FER1L5: variants seen among roughly 807,000 people sequenced by gnomAD.
FER1L5 encodes the protein fer-1-like protein 5.
A neutral mutation model predicts 279.9 loss-of-function variants in FER1L5; 187 were observed. The ratio of observed to expected loss-of-function variants is 0.67; its 90% CI spans 0.59 to 0.75. The LOEUF (loss-of-function observed/expected upper bound fraction) is 0.75, where lower values mean the gene tolerates loss of function less well. Among genes scored for constraint, FER1L5 ranks in the 30% least tolerant of loss-of-function variants. FER1L5 has a pLI of 0.00. For synonymous variants in FER1L5, 921 were observed against 989.7 expected (o/e 0.93, Z 1.30); for missense variants, 2,091 against 2,594.4 (o/e 0.81, Z 4.21).
At chr2:96,659,401 CTT>C (rs1558854002) in intron 9 of FER1L5, among the ~76,000 whole-genome samples, 1 of 6,088 alleles carries the variant, frequency 1.6e-4, no homozygotes, top group Non-Finnish European at 2.5e-4. Flanking sequence ...TTCTTTCTTT[CTT>C]TCTTTCTTTC....
chr2:96,677,695 G>A (rs1470424041), intron 19 of FER1L5, among the ~76,000 whole-genome samples: 3 of 151,868 alleles, frequency 2.0e-5, no homozygotes, highest in Admixed American at 1.3e-4. Context: ...GTGAAACCCC[G>A]TCTCTACTAA....
At chr2:96,676,408 C>T (rs2076510888) in intron 19 of FER1L5, among the ~76,000 whole-genome samples, 1 of 152,192 alleles carries the variant, frequency 6.6e-6, no homozygotes, top group South Asian at 2.1e-4. Context: ...CTCAGGTGAT[C>T]TGCCCACCTC....
Position 96,689,726 on chromosome 2 carries a change from T to C in FER1L5, c.2608T>C (p.Trp870Arg). The C allele has an allele frequency of 1.9e-6, 3 of 1,548,112 alleles. No individual in the cohort carries two copies. Among genetic ancestry groups the C allele is most frequent in the Non-Finnish European group, 2.6e-6 (3 of 1,145,928 alleles). ...CCAGGGCCGTGACACCAGAGGGGCCTGGGGGCCTGCCGCCATCCCAAACAC... is the reference window on the plus strand; with the variant it reads ...CCAGGGCCGTGACACCAGAGGGGCCCGGGGGCCTGCCGCCATCCCAAACAC... Reference protein sequence around the residue: ...ENQGRDTRGAWGPAAIPNTDV... With the variant: ...ENQGRDTRGARGPAAIPNTDV... Residue 870 changes from tryptophan to arginine, a missense_variant, in exon 26 of 53, where the codon TGG becomes CGG. Transcript: ENST00000624922. The surrounding 1 kb of genome is among the most constrained non-coding windows in gnomAD (Gnocchi z 4.6).
In FER1L5 at chr2:96,702,644, A is replaced by G; in HGVS notation, c.5300A>G (p.His1767Arg). The G allele has an allele frequency of 6.2e-7, 1 of 1,601,192 alleles. No homozygotes were observed. ...AAGGACATGCAGAAGACAGACATCC[A>G]CTACCACTCGCTGACTGGGGAGGCC... ...LEKDMQKTDI[H>R]YHSLTGEADF... The change falls in exon 48 of 53, where the codon CAC (histidine) becomes CGC (arginine). Residue 1767 changes from histidine to arginine, a missense_variant. Coordinates refer to ENST00000624922, the MANE Select transcript of FER1L5 (RefSeq NM_001293083.2). The surrounding 1 kb of genome is among the most constrained non-coding windows in gnomAD (Gnocchi z 4.0).
chr2:96,686,855 CAAAAAAAAA>C (rs58724485), intron 23 of FER1L5, among the ~76,000 whole-genome samples: 1 of 41,162 alleles, frequency 2.4e-5, no homozygotes, highest in Non-Finnish European at 5.3e-5. Context: ...GACTCCGTCT[CAAAAAAAAA>C]AAAAAAAAAA....
At chr2:96,656,919 G>C (rs1203628356) in intron 9 of FER1L5, among the ~76,000 whole-genome samples, 1 of 151,526 alleles carries the variant, frequency 6.6e-6, no homozygotes, top group East Asian at 1.9e-4. Context: ...CAATTTGTTG[G>C]CAAAGTGACT....
At chr2:96,699,518 A>T (rs368907899) in intron 42 of FER1L5, 32 bp from the exon 43 acceptor site, 1 of 1,595,824 alleles carries the variant, frequency 6.3e-7, no homozygotes. Flanking sequence ...CATTGCCCAC[A>T]TCCTCTGCAG....
chr2:96,702,062 C>A lies in FER1L5; in HGVS notation c.5159+19C>A. On this transcript the variant is annotated intron_variant, in intron 46 of 52. Coordinates refer to ENST00000624922, the MANE Select transcript of FER1L5 (RefSeq NM_001293083.2). The surrounding 1 kb of genome is among the most constrained non-coding windows in gnomAD (Gnocchi z 4.0). ...CTAAACGGTGAGTGACAGCCCACTT[C>A]CCAACTGCTGCATTTCACAGTTCAG... 2 of 1,613,306 alleles carry A rather than the reference C, an allele frequency of 1.2e-6. No individual in the cohort carries two copies. The highest frequency in any genetic ancestry group is 1.7e-6 in the Non-Finnish European group (2 of 1,179,324).
At chr2:96,696,743 A>C (rs2077397917) in intron 37 of FER1L5, among the ~76,000 whole-genome samples, 1 of 152,170 alleles carries the variant, frequency 6.6e-6, no homozygotes. Context: ...TCTACTAAAA[A>C]TACAAAAAAA....
chr2:96,662,696 C>T (rs1486651279), intron 13 of FER1L5, among the ~76,000 whole-genome samples: 3 of 152,168 alleles, frequency 2.0e-5, no homozygotes, highest in Non-Finnish European at 4.4e-5. Context: ...TGCTAGGTTA[C>T]AGTTAAACAG....
intron 19 of FER1L5, among the ~76,000 whole-genome samples, chr2:96,681,006 G>A (rs2076702572): frequency 6.6e-6 from 1 of 152,244 alleles, no homozygotes; most frequent in Non-Finnish European, 1.5e-5. Flanking sequence ...TTGCAGGCGT[G>A]AGCCGCCGTT....
rs768372070 is a variant in FER1L5 at position 96,700,343 on chromosome 2, C to G, written c.4942C>G (p.Pro1648Ala). 1.2e-6 allele frequency: 2 copies of G among 1,613,370 alleles called. No homozygotes were observed. The highest frequency in any genetic ancestry group is 3.3e-5 in the Admixed American group (2 of 60,028). Residue 1648 changes from proline (P) to alanine (A), a missense_variant, in exon 45 of 53, where the codon CCT becomes GCT. Coordinates refer to ENST00000624922, the MANE Select transcript of FER1L5 (RefSeq NM_001293083.2). ...FKLQSFEPKT[P>A]TVHGLGPKKE... ...CCCCTCCAATCCAGAGCCCAAAACC[C>G]CTACTGTTCATGGTTTGGGACCCAA...
In FER1L5 at chr2:96,695,731, C is replaced by T. The variant is rs753241976; in HGVS notation, c.3895-11C>T. 22 of 1,611,260 alleles carry T rather than the reference C, an allele frequency of 1.4e-5. No individual in the cohort carries two copies. The East Asian group carries it at 3.3e-4, about 25-fold the overall frequency. On this transcript the variant is annotated splice_polypyrimidine_tract_variant and intron_variant, in intron 35 of 52. Transcript: ENST00000624922. The stretch of plus-strand genomic sequence containing the variant: ...GGGTCTCACGCTCCCCACGTCTCCT[C>T]GGGATTGCAGCTCATGCCGACGGAG...
intron 14 of FER1L5, among the ~76,000 whole-genome samples, 157 bp from the exon 15 acceptor site, chr2:96,668,594 T>G (rs573018197): frequency 6.6e-6 from 1 of 152,254 alleles, no homozygotes; most frequent in East Asian, 1.9e-4. Context: ...TCGATTCGCT[T>G]GGTTCAAAAT....
At chr2:96,672,459 T>G (rs1053221625) in intron 18 of FER1L5, among the ~76,000 whole-genome samples, 1 of 152,058 alleles carries the variant, frequency 6.6e-6, no homozygotes, top group Non-Finnish European at 1.5e-5. Flanking sequence ...GGAAAGTTAT[T>G]TTTTTTCAAT....
Position 96,702,296 on chromosome 2 carries a change from G to C in FER1L5, c.5160-10G>C. On this transcript the variant is annotated splice_polypyrimidine_tract_variant and intron_variant, in intron 46 of 52. Coordinates refer to ENST00000624922, the MANE Select transcript of FER1L5 (RefSeq NM_001293083.2). This position sits in a 1 kb window ranked among gnomAD's most constrained non-coding sequence, Gnocchi z 4.0. ...CTCCTCAGCAAAGCCTCAGAGCACA[G>C]TGGCCACAGGTATGAGCTGCGATGC... is the stretch of plus-strand genomic sequence containing the variant. 1 of 1,608,888 alleles carries C rather than the reference G, an allele frequency of 6.2e-7. No homozygotes were observed. Among genetic ancestry groups the C allele is most frequent in the Non-Finnish European group, 8.5e-7 (1 of 1,177,806 alleles).
intron 19 of FER1L5, among the ~76,000 whole-genome samples, chr2:96,673,961 T>C (rs943886282): frequency 6.6e-6 from 1 of 152,220 alleles, no homozygotes; most frequent in African/African-American, 2.4e-5. Flanking sequence ...TCATCACCCA[T>C]TCTGAGCCTT....
rs778407071 is a variant in FER1L5, at chr2:96,703,185, C to T, written c.5530C>T (p.Leu1844Phe). 1.2e-6 allele frequency: 2 copies of T among 1,613,338 alleles called. No homozygotes were observed. The highest frequency in any genetic ancestry group is 2.2e-5 in the South Asian group (2 of 90,984). ...VLELDLSDMP[L>F]PARHAKQCSI... is the part of the protein sequence containing the mutation. ...GGAGCTGGATTTGTCTGACATGCCC[C>T]TCCCGGCTCGGCACGCCAAGCAGTG... The change falls in exon 50 of 53, where the codon CTC becomes TTC. Residue 1844 changes from leucine to phenylalanine, a missense_variant. Physicochemically the swap from Leu to Phe is conservative, Grantham distance 22. Coordinates refer to ENST00000624922, the MANE Select transcript of FER1L5 (RefSeq NM_001293083.2).
At chr2:96,670,525 C>T (rs1023875178) in intron 18 of FER1L5, among the ~76,000 whole-genome samples, 4 of 152,174 alleles carry the variant, frequency 2.6e-5, no homozygotes, top group Non-Finnish European at 5.9e-5. Context: ...CGCCTGTAAT[C>T]CCAGCACTTT....
Sources: allele counts gnomAD v4.1 joint callset (sites outside exome capture counted in the v4.1 genomes callset), GRCh38; gene constraint gnomAD v4.1.1; non-coding constraint Gnocchi (gnomAD v3.1); transcripts MANE v1.5; gene names NCBI Gene and HGNC (gene_info 2026-07-23, HGNC 2026-07-21).